The following PUS10 variants were observed in gnomAD, a reference collection of about 807,000 sequenced individuals.
PUS10 encodes pseudouridine synthase 10.
In PUS10, 59 loss-of-function variants were observed where a neutral mutation model predicts 75.0. The ratio of observed to expected loss-of-function variants is 0.79; its 90% CI spans 0.64 to 0.98. The LOEUF (loss-of-function observed/expected upper bound fraction) is 0.98, where lower values mean the gene tolerates loss of function less well. PUS10 is among the 50% of genes least tolerant of loss of function. PUS10 has a pLI of 0.00. For missense variants in PUS10, 650 were observed against 614.4 expected, an observed-to-expected ratio of 1.06 and a Z score of -0.61; for synonymous variants, 219 against 211.6, an observed-to-expected ratio of 1.03 and a Z score of -0.30.
At chr2:61,006,517 T>G (rs752120133) in intron 4 of PUS10, 40 bp downstream of exon 4, 1 of 1,358,234 alleles carries the variant, frequency 7.4e-7, no homozygotes, top group African/African-American at 1.4e-5. Context: ...ATTCCTAGCA[T>G]GCACTTCACA....
intron 4 of PUS10, among the ~76,000 whole-genome samples, chr2:60,997,414 T>A (rs1305633332): frequency 6.6e-6 from 1 of 152,006 alleles, no homozygotes; most frequent in African/African-American, 2.4e-5. Flanking sequence ...ATCGAGACCA[T>A]CCTGGCTAAC....
chr2:60,961,441 T>C, intron 10 of PUS10, 22 bp downstream of exon 10: 1 of 1,570,540 alleles, frequency 6.4e-7, no homozygotes. Flanking sequence ...AGTGTATGTA[T>C]ATTCTAGACT....
chr2:60,944,829 C>A (rs1334369512), intron 17 of PUS10, among the ~76,000 whole-genome samples, 180 bp downstream of exon 17: 2 of 151,808 alleles, frequency 1.3e-5, no homozygotes, highest in African/African-American at 4.8e-5. Context: ...ATAAATGAGA[C>A]CTCATATTAA....
At position 60,940,269 on chromosome 2, in the gene PUS10, C is replaced by G. The variant is rs1226035769; in HGVS notation, c.*2126G>C. 1 of 152,198 alleles carries G rather than the reference C, an allele frequency of 6.6e-6. No individual in the cohort carries two copies. The highest frequency in any genetic ancestry group is 1.9e-4 in the East Asian group (1 of 5,334). The allele number at this position is 152,198 out of a possible 1,614,324, so 9.4% of individuals were successfully genotyped here. A position where few individuals can be genotyped will look rare whatever the true frequency, so the allele number is the denominator to read the frequency against. ...TTTTCTTTTGACTTTTCCAGGTATTCAGAGTTGATGTTTTTCCTAAAATAA... is the reference window on the plus strand; with the variant it reads ...TTTTCTTTTGACTTTTCCAGGTATTGAGAGTTGATGTTTTTCCTAAAATAA... On this transcript the variant is annotated 3_prime_UTR_variant, in exon 18 of 18. Coordinates refer to ENST00000316752, the MANE Select transcript of PUS10 (RefSeq NM_144709.4).
chr2:61,007,945 C>T (rs1373664987), intron 3 of PUS10, among the ~76,000 whole-genome samples: 2 of 151,662 alleles, frequency 1.3e-5, no homozygotes, highest in South Asian at 2.1e-4. Context: ...AGCTGGGTGG[C>T]GGGTGCCTGT....
chr2:60,967,749 G>T, intron 5 of PUS10, 136 bp from the exon 6 acceptor site: 1 of 552,056 alleles, frequency 1.8e-6, no homozygotes, highest in East Asian at 3.5e-5. Flanking sequence ...ACATTAAATA[G>T]AAAGCAGAGA....
At chr2:61,014,674 G>A (rs151021393) in intron 1 of PUS10, among the ~76,000 whole-genome samples, 2 of 152,236 alleles carry the variant, frequency 1.3e-5, no homozygotes, top group East Asian at 3.9e-4. Flanking sequence ...ATCATTGCAT[G>A]GCAATCTTAT....
intron 4 of PUS10, chr2:60,998,686 TC>T: frequency 6.9e-6 from 1 of 144,684 alleles, no homozygotes; most frequent in African/African-American, 2.8e-5. Flanking sequence ...TGAGACTTCA[TC>T]TTAAAAAAAA....
intron 4 of PUS10, among the ~76,000 whole-genome samples, chr2:60,977,953 G>A (rs1419934623): frequency 6.6e-6 from 1 of 152,164 alleles, no homozygotes; most frequent in African/African-American, 2.4e-5. Flanking sequence ...CATGAACTAA[G>A]ACAAAACGAT....
intron 4 of PUS10, among the ~76,000 whole-genome samples, chr2:61,004,379 C>T (rs1679058309): frequency 6.6e-6 from 1 of 152,050 alleles, no homozygotes; most frequent in South Asian, 2.1e-4. Flanking sequence ...AATTCCAGCA[C>T]TTTGGGAGGC....
intron 4 of PUS10, among the ~76,000 whole-genome samples, chr2:60,977,118 C>T (rs1677079694): frequency 1.3e-5 from 2 of 152,088 alleles, no homozygotes; most frequent in South Asian, 4.1e-4. Context: ...AACACACACA[C>T]CATAGACCAG....
chr2:60,979,079 C>A (rs773272231), intron 4 of PUS10, among the ~76,000 whole-genome samples: 1 of 151,808 alleles, frequency 6.6e-6, no homozygotes, highest in African/African-American at 2.4e-5. Flanking sequence ...TTAGCAGTAC[C>A]CCCTGCTCCA....
intron 1 of PUS10, among the ~76,000 whole-genome samples, chr2:61,014,396 A>G (rs1054239208): frequency 2.6e-5 from 4 of 152,176 alleles, no homozygotes; most frequent in Admixed American, 2.6e-4. Flanking sequence ...ACAAGCAAAC[A>G]AACAAACAAA....
In PUS10 at chr2:60,971,514, ATTAC is replaced by A. The variant is rs1676661582; in HGVS notation, c.503+5_503+8del. The A allele has an allele frequency of 1.2e-6, 2 of 1,613,046 alleles. No individual in the cohort carries two copies. The highest frequency in any genetic ancestry group is 2.2e-5 in the East Asian group (1 of 44,856). On this transcript the variant is annotated splice_donor_5th_base_variant and intron_variant, in intron 5 of 17. Transcript: ENST00000316752. ...ATGGTAGTAAAAATTCCCTACCTAA[ATTAC>A]TTACCCCATTTCCTGTTTTACCAGC...
intron 4 of PUS10, among the ~76,000 whole-genome samples, chr2:60,979,099 C>T (rs1308003153): frequency 1.5e-5 from 2 of 135,164 alleles, no homozygotes; most frequent in Non-Finnish European, 3.2e-5. Flanking sequence ...AAACTCTTCT[C>T]CCAACACATA....
intron 16 of PUS10, among the ~76,000 whole-genome samples, chr2:60,946,843 AAT>A (rs150565802): frequency 6.7e-6 from 1 of 149,962 alleles, no homozygotes. Context: ...GTGTGTGTGT[AAT>A]ATATATATAT....
chr2:61,009,268 T>C (rs1017606443), intron 2 of PUS10, among the ~76,000 whole-genome samples: 1 of 152,196 alleles, frequency 6.6e-6, no homozygotes, highest in Non-Finnish European at 1.5e-5. Context: ...GAAGCAAAAG[T>C]CATAAATCTG....
chr2:60,945,143 T>C, intron 16 of PUS10, 35 bp from the exon 17 acceptor site: 1 of 1,319,590 alleles, frequency 7.6e-7, no homozygotes, highest in Non-Finnish European at 1.1e-6. Flanking sequence ...GAAGACAGCA[T>C]GCTGTACCAA....
At chr2:60,985,547 C>T (rs1312857392) in intron 4 of PUS10, among the ~76,000 whole-genome samples, 4 of 152,026 alleles carry the variant, frequency 2.6e-5, no homozygotes, top group Admixed American at 2.0e-4. Context: ...GTTGCTCAAG[C>T]TGGAGTGCAG....
Sources: gnomAD v4.1 joint callset for allele counts (sites outside exome capture counted in the v4.1 genomes callset) on GRCh38, gnomAD v4.1.1 for gene constraint, MANE v1.5 for transcripts, NCBI Gene and HGNC (gene_info 2026-07-23, HGNC 2026-07-21) for gene names.